Variants in CHAF1A observed in about 807,000 individuals in gnomAD.
CHAF1A encodes chromatin assembly factor 1 subunit A.
CHAF1A carries 5 observed loss-of-function variants against 93.2 expected under a neutral mutation model. The observed-to-expected ratio is 0.05, with a 90% CI of 0.03 to 0.11. The LOEUF is 0.11. Among genes scored for constraint, CHAF1A ranks in the 10% least tolerant of loss-of-function variants. The probability of loss-of-function intolerance (pLI) is 1.00; values close to 1 mark genes in which losing one functional copy is unlikely to be tolerated. For synonymous variants in CHAF1A, 504 were observed against 510.3 expected (o/e 0.99, Z 0.17); for missense variants, 1,102 against 1,259.9 (o/e 0.87, Z 1.90).
At chr19:4,432,229 C>CTGGGT (rs748669072) in intron 12 of CHAF1A, 22 bp downstream of exon 12, 15 of 1,577,572 alleles carry the variant, frequency 9.5e-6, no homozygotes, top group South Asian at 1.1e-5. Context: ...CGGGGCCAGG[C>CTGGGT]CACCCACCTG....
At chr19:4,425,374 T>C (rs970627926) in intron 7 of CHAF1A, among the ~76,000 whole-genome samples, 1 of 152,074 alleles carries the variant, frequency 6.6e-6, no homozygotes, top group African/African-American at 2.4e-5. Flanking sequence ...TACCTCAGCC[T>C]CCCGAGTAGC....
chr19:4,448,477 G>GC, downstream of CHAF1A: 1 of 1,379,156 alleles, frequency 7.3e-7, no homozygotes, highest in Non-Finnish European at 1.0e-6. Flanking sequence ...GCCCTCCGCT[G>GC]CCCAGGTAAC....
intron 7 of CHAF1A, among the ~76,000 whole-genome samples, chr19:4,426,776 A>G (rs546111196): frequency 1.3e-5 from 2 of 152,184 alleles, no homozygotes; most frequent in African/African-American, 2.4e-5. Flanking sequence ...GCCCAGCTAC[A>G]GTGTCTTTCA....
intron 12 of CHAF1A, 78 bp from the exon 13 acceptor site, chr19:4,432,992 T>G: frequency 4.3e-6 from 5 of 1,153,716 alleles, no homozygotes; most frequent in Non-Finnish European, 4.9e-6. Context: ...AATGAGCTTG[T>G]GTATGTGTTT....
At chr19:4,415,786 T>A (rs977521934) in intron 3 of CHAF1A, among the ~76,000 whole-genome samples, 1 of 152,068 alleles carries the variant, frequency 6.6e-6, no homozygotes, top group African/African-American at 2.4e-5. Context: ...AAGGACTCAG[T>A]GGGACCCAGG....
At chr19:4,434,619 G>A (rs1257492065) in intron 13 of CHAF1A, among the ~76,000 whole-genome samples, 3 of 151,960 alleles carry the variant, frequency 2.0e-5, no homozygotes, top group Non-Finnish European at 4.4e-5. Context: ...TGACTTGGCA[G>A]TATGCGTTGA....
intron 11 of CHAF1A, 88 bp downstream of exon 11, chr19:4,430,729 G>T: frequency 7.2e-7 from 1 of 1,380,642 alleles, no homozygotes; most frequent in Non-Finnish European, 1.0e-6. Flanking sequence ...GGGTGACGGG[G>T]GTCCCAGCCC....
chr19:4,448,093 C>G, downstream of CHAF1A: 1 of 585,956 alleles, frequency 1.7e-6, no homozygotes, highest in East Asian at 2.9e-5. Flanking sequence ...TGGGAAACCC[C>G]TGATTCCTTC....
In CHAF1A at chr19:4,402,959, C is replaced by G. The variant is rs1200233436; in HGVS notation, c.52+145C>G. On this transcript the variant is annotated intron_variant, in intron 1 of 14. Transcript: ENST00000301280. ...TTCACCCCCTGGGGCCTTCTCATCC[C>G]CAGCGAGGGCCTGGCGTCCCCAAGG... 4 of 379,402 alleles carry G rather than the reference C, an allele frequency of 1.1e-5. No homozygotes were observed. The East Asian group carries it at 1.8e-4, about 17-fold the overall frequency. 23.5% of individuals were successfully genotyped at this position (379,402 alleles called of 1,614,324 possible).
downstream of CHAF1A, chr19:4,445,965 C>G (rs758531878): frequency 1.3e-6 from 2 of 1,509,168 alleles, no homozygotes; most frequent in African/African-American, 2.8e-5. Flanking sequence ...AACAAGGAGG[C>G]TCCCTCCTGG....
chr19:4,408,856 T>G, intron 2 of CHAF1A, 47 bp from the exon 3 acceptor site: 1 of 1,549,204 alleles, frequency 6.5e-7, no homozygotes, highest in South Asian at 1.3e-5. Flanking sequence ...CATGAGTGGT[T>G]GTAACTTTAA....
intron 13 of CHAF1A, 61 bp from the exon 14 acceptor site, chr19:4,442,184 G>A (rs373075985): frequency 2.4e-5 from 34 of 1,402,424 alleles, no homozygotes; most frequent in East Asian, 1.8e-4. Flanking sequence ...CCCCGCTACC[G>A]CACTGGCACC....
intron 6 of CHAF1A, 95 bp downstream of exon 6, chr19:4,423,490 C>T: frequency 6.3e-7 from 1 of 1,595,754 alleles, no homozygotes; most frequent in Non-Finnish European, 8.5e-7. Flanking sequence ...CTAATATTCT[C>T]TTGGTTTGGG....
At chr19:4,430,827 G>A in intron 11 of CHAF1A, 186 bp downstream of exon 11, 1 of 596,722 alleles carries the variant, frequency 1.7e-6, no homozygotes, top group East Asian at 2.9e-5. Flanking sequence ...CTGGGAGGGT[G>A]GCAGACGTAG....
At chr19:4,404,625 G>A (rs1278077209) in intron 1 of CHAF1A, among the ~76,000 whole-genome samples, 3 of 152,118 alleles carry the variant, frequency 2.0e-5, no homozygotes, top group African/African-American at 4.8e-5. Context: ...ATGTATGGAC[G>A]ATGGAGTTTT....
chr19:4,420,894 G>A (rs1362759986), intron 4 of CHAF1A, among the ~76,000 whole-genome samples: 1 of 152,022 alleles, frequency 6.6e-6, no homozygotes, highest in Admixed American at 6.6e-5. Flanking sequence ...GCAACATAGT[G>A]AGACTCCATC....
chr19:4,447,429 TG>T, downstream of CHAF1A: 2 of 1,067,018 alleles, frequency 1.9e-6, no homozygotes, highest in Non-Finnish European at 2.9e-6. Flanking sequence ...TCACTGCTTG[TG>T]GCTCAACTCT....
At chr19:4,448,424 A>C (rs1320745869), downstream of CHAF1A, 4 of 1,596,898 alleles carry the variant, frequency 2.5e-6, no homozygotes, top group Non-Finnish European at 3.4e-6. Context: ...TGCTGGGAGG[A>C]GGGAAGCAGG....
chr19:4,421,083 GT>G (rs1343959095), intron 4 of CHAF1A, among the ~76,000 whole-genome samples: 1 of 152,036 alleles, frequency 6.6e-6, no homozygotes, highest in East Asian at 1.9e-4. Flanking sequence ...AATAAATAAT[GT>G]TTTTTTGTTT....
Sources: gnomAD v4.1 joint callset for allele counts (sites outside exome capture counted in the v4.1 genomes callset) on GRCh38, gnomAD v4.1.1 for gene constraint, MANE v1.5 for transcripts, NCBI Gene and HGNC (gene_info 2026-07-23, HGNC 2026-07-21) for gene names.